Variants in FBXL20 observed in about 807,000 individuals in gnomAD.
The protein encoded by FBXL20 is F-box and leucine rich repeat protein 20.
In FBXL20, 11 loss-of-function variants were observed where a neutral mutation model predicts 64.0. The ratio of observed to expected loss-of-function variants is 0.17; its 90% CI spans 0.11 to 0.28. The LOEUF (loss-of-function observed/expected upper bound fraction) is 0.28. Ranked by LOEUF, FBXL20 falls within the 10% of genes least tolerant of loss-of-function variation. The pLI, the probability that FBXL20 is intolerant of heterozygous loss-of-function variation, is 1.00. For missense variants in FBXL20, 303 were observed against 526.2 expected, an observed-to-expected ratio of 0.58 and a Z score of 4.15; for synonymous variants, 184 against 189.0, an observed-to-expected ratio of 0.97 and a Z score of 0.22.
In FBXL20 at chr17:39,298,492, G is replaced by A. The variant is rs531321073; in HGVS notation, c.329+498C>T. 2.0e-5 allele frequency among the ~76,000 whole-genome samples: 3 copies of A among 152,266 alleles called. No homozygotes were observed. The East Asian group carries it at 5.8e-4, about 29-fold the overall frequency. ...CCAGCACTTTGGGAGGCTGAGGCAA[G>A]AGGACTGCTTGAGTGCAAGAGTTCG... On this transcript the variant is annotated intron_variant, in intron 5 of 14. Coordinates refer to ENST00000264658, the MANE Select transcript of FBXL20 (RefSeq NM_032875.3).
At chr17:39,269,741 AC>A (rs979385890) in intron 11 of FBXL20, among the ~76,000 whole-genome samples, 1 of 131,212 alleles carries the variant, frequency 7.6e-6, no homozygotes, top group East Asian at 2.3e-4. Context: ...CAGGTGATCC[AC>A]CCCCCTTGGC....
At chr17:39,266,871 T>C (rs1232740062) in intron 12 of FBXL20, among the ~76,000 whole-genome samples, 7 of 152,220 alleles carry the variant, frequency 4.6e-5, no homozygotes, top group Non-Finnish European at 1.0e-4. Context: ...GTCCCCTTGG[T>C]AGCTAGTTGT....
Position 39,260,376 on chromosome 17 carries a change from C to T in FBXL20, c.*1084G>A, listed in dbSNP as rs1013359476. 2.6e-5 allele frequency: 4 copies of T among 152,084 alleles called. No individual in the cohort carries two copies. The highest frequency in any genetic ancestry group is 5.9e-5 in the Non-Finnish European group (4 of 68,022). 9.4% of individuals were successfully genotyped at this position (152,084 alleles called of 1,614,324 possible). A position where few individuals can be genotyped will look rare whatever the true frequency, so the allele number is the denominator to read the frequency against. ...TTCCTAATAATACATCTCTCTCTTT[C>T]CTTATGATACAGTTGGTGGAGTCTG... On this transcript the variant is annotated 3_prime_UTR_variant, in exon 15 of 15. Transcript: ENST00000264658.
At position 39,272,701 on chromosome 17, in the gene FBXL20, C is replaced by CA. The variant is rs56138431; in HGVS notation, c.828-1846dup. 2.7e-3 allele frequency among the ~76,000 whole-genome samples: 268 copies of CA among 98,766 alleles called. 1 individual carries two copies. Among genetic ancestry groups the CA allele is most frequent in the East Asian group, 4.7e-3 (16 of 3,402 alleles). 64.8% of individuals were successfully genotyped at this position (98,766 alleles called of 152,430 possible). A position where few individuals can be genotyped will look rare whatever the true frequency, so the allele number is the denominator to read the frequency against. ...TGGGCAACAGAGCCAAACTCTATCT[C>CA]AAAAAAAAAAAAAAAAAAAAGAAAG... is the stretch of plus-strand genomic sequence containing the variant. On this transcript the variant is annotated intron_variant, in intron 10 of 14. Transcript: ENST00000264658.
Position 39,258,119 on chromosome 17 carries a change from T to C in FBXL20, c.*3341A>G, listed in dbSNP as rs1199736334. ...CCAAATCTCTTCTCTCTGTTCACTG[T>C]TTTTTTCCATTATAAAAGGCATATT... is the stretch of plus-strand genomic sequence containing the variant. On this transcript the variant is annotated 3_prime_UTR_variant, in exon 15 of 15. Transcript: ENST00000264658. The C allele has an allele frequency of 6.6e-6, 1 of 152,184 alleles. No individual in the cohort carries two copies. The highest frequency in any genetic ancestry group is 6.5e-5 in the Admixed American group (1 of 15,280). The allele number at this position is 152,184 out of a possible 1,614,324, so 9.4% of individuals were successfully genotyped here. A position where few individuals can be genotyped will look rare whatever the true frequency, so the allele number is the denominator to read the frequency against.
chr17:39,379,051 A>G (rs913976405), intron 1 of FBXL20, among the ~76,000 whole-genome samples: 62 of 150,248 alleles, frequency 4.1e-4, no homozygotes, highest in Non-Finnish European at 5.9e-5. Flanking sequence ...AACACGGAGA[A>G]ACCCGGTCTC....
chr17:39,343,530 T>C lies in FBXL20; in HGVS notation c.43-289A>G, dbSNP rs371826774. Reference sequence around the variant, plus strand: ...ATGGTTTTAATCTTCATACCATCCCTATTATCTTCACTTTATAGATAGGAA... The same window carrying C: ...ATGGTTTTAATCTTCATACCATCCCCATTATCTTCACTTTATAGATAGGAA... On this transcript the variant is annotated intron_variant, in intron 1 of 14. Transcript: ENST00000264658. Among the ~76,000 whole-genome samples the C allele has an allele frequency of 8.0e-4, 122 of 152,204 alleles. 1 individual carries two copies. The highest frequency in any genetic ancestry group is 2.9e-3 in the African/African-American group (119 of 41,550).
chr17:39,351,465 A>C (rs1328542086), intron 1 of FBXL20, among the ~76,000 whole-genome samples: 1 of 152,150 alleles, frequency 6.6e-6, no homozygotes, highest in Non-Finnish European at 1.5e-5. Flanking sequence ...TAAAAGCAAT[A>C]GAATATGTGT....
chr17:39,293,122 C>T (rs932737593), intron 6 of FBXL20, among the ~76,000 whole-genome samples: 2 of 151,932 alleles, frequency 1.3e-5, no homozygotes, highest in African/African-American at 4.8e-5. Context: ...GATTGAGTGA[C>T]AGATATTCTG....
At chr17:39,357,318 C>T (rs1411914758) in intron 1 of FBXL20, among the ~76,000 whole-genome samples, 3 of 149,008 alleles carry the variant, frequency 2.0e-5, no homozygotes, top group African/African-American at 7.4e-5. Context: ...AGTTGAATTG[C>T]TTTAGTACCT....
chr17:39,383,652 C>T (rs1384130203), intron 1 of FBXL20, among the ~76,000 whole-genome samples: 4 of 147,982 alleles, frequency 2.7e-5, no homozygotes, highest in African/African-American at 5.0e-5. Context: ...TGCAGTGGCG[C>T]GATCTCGGCT....
chr17:39,394,318 G>T (rs1229312661), intron 1 of FBXL20, among the ~76,000 whole-genome samples: 2 of 138,696 alleles, frequency 1.4e-5, no homozygotes, highest in Admixed American at 1.6e-4. Context: ...TCGCTCTCTC[G>T]CCCAGGCTGG....
intron 2 of FBXL20, among the ~76,000 whole-genome samples, chr17:39,335,997 G>A (rs544114509): frequency 1.6e-4 from 24 of 152,100 alleles, no homozygotes; most frequent in Non-Finnish European, 3.1e-4. Context: ...CAACATGCGT[G>A]TAGTCCCAGC....
At chr17:39,281,205 T>C (rs1325683683) in intron 9 of FBXL20, among the ~76,000 whole-genome samples, 184 bp downstream of exon 9, 1 of 152,218 alleles carries the variant, frequency 6.6e-6, no homozygotes, top group Non-Finnish European at 1.5e-5. Flanking sequence ...ATCTTATCTA[T>C]GCCAAGGCCC....
At chr17:39,280,050 T>C (rs551463471) in intron 9 of FBXL20, among the ~76,000 whole-genome samples, 1 of 151,784 alleles carries the variant, frequency 6.6e-6, no homozygotes, top group African/African-American at 2.4e-5. Context: ...CTGGCCAACA[T>C]AGTGAAACCC....
intron 1 of FBXL20, among the ~76,000 whole-genome samples, chr17:39,363,827 C>A (rs111888749): frequency 0.077 from 5,867 of 76,472 alleles, 655 homozygotes; most frequent in African/African-American, 0.23. Flanking sequence ...AAAAAAAAAA[C>A]AAAAAACAAA....
At chr17:39,362,590 T>G (rs1421599917) in intron 1 of FBXL20, among the ~76,000 whole-genome samples, 1 of 151,502 alleles carries the variant, frequency 6.6e-6, no homozygotes, top group South Asian at 2.1e-4. Context: ...CCCAAAGTGC[T>G]GGGATTACAG....
At chr17:39,284,970 ACT>A (rs2046976562) in intron 7 of FBXL20, among the ~76,000 whole-genome samples, 1 of 151,314 alleles carries the variant, frequency 6.6e-6, no homozygotes, top group South Asian at 2.1e-4. Flanking sequence ...ACAGAGTCTC[ACT>A]CTGTCAGCAC....
chr17:39,255,563 G>A lies in FBXL20; in HGVS notation c.*5897C>T, dbSNP rs2046687786. On this transcript the variant is annotated 3_prime_UTR_variant, in exon 15 of 15. Transcript: ENST00000264658. The stretch of plus-strand genomic sequence containing the variant: ...CAGGCAGGTAGAATGTTTATCCTGG[G>A]CTGGGCGCAGTGGCTCACGCCTGTA... 1 of 152,126 alleles carries A rather than the reference G, an allele frequency of 6.6e-6. No individual in the cohort carries two copies. Among genetic ancestry groups the A allele is most frequent in the African/African-American group, 2.4e-5 (1 of 41,390 alleles). The allele number at this position is 152,126 out of a possible 1,614,324, so 9.4% of individuals were successfully genotyped here.
Sources: allele counts gnomAD v4.1 joint callset (sites outside exome capture counted in the v4.1 genomes callset), GRCh38; gene constraint gnomAD v4.1.1; transcripts MANE v1.5; gene names NCBI Gene and HGNC (gene_info 2026-07-23, HGNC 2026-07-21).